FNDC1: variants seen among roughly 807,000 people sequenced by gnomAD.
FNDC1 encodes the protein fibronectin type III domain-containing protein 1.
In FNDC1, 96 loss-of-function variants were observed where a neutral mutation model predicts 168.0. The ratio of observed to expected loss-of-function variants is 0.57; its 90% CI spans 0.48 to 0.68. The LOEUF is 0.68. Among genes scored for constraint, FNDC1 ranks in the 30% least tolerant of loss-of-function variants. The pLI is 0.00. For synonymous variants in FNDC1, 1,099 were observed against 1,025.9 expected (o/e 1.07, Z -1.36); for missense variants, 2,587 against 2,482.1 (o/e 1.04, Z -0.90).
At chr6:159,264,832 C>A in intron 19 of FNDC1, 143 bp from the exon 20 acceptor site, 1 of 618,636 alleles carries the variant, frequency 1.6e-6, no homozygotes, top group Non-Finnish European at 2.7e-6. Flanking sequence ...GAAAATAAAA[C>A]CAAGGAAAAC....
chr6:159,232,342 A>C lies in FNDC1; in HGVS notation c.1830A>C (p.Pro610=). Residue 610 remains proline (P), a synonymous_variant, in exon 11 of 23, where the codon CCA becomes CCC. Coordinates refer to ENST00000297267, the MANE Select transcript of FNDC1 (RefSeq NM_032532.3). This position sits in a 1 kb window ranked among gnomAD's most constrained non-coding sequence, Gnocchi z 4.9. ...TTTCCCTGGCCACGCAGCCCCGCCC[A>C]GGGGCGCCCCCCTCGGCTTCGGCCT... is the stretch of plus-strand genomic sequence containing the variant. ...PGFSLATQPR[P]GAPPSASASP... The C allele has an allele frequency of 6.2e-7, 1 of 1,613,428 alleles. No homozygotes were observed. Among genetic ancestry groups the C allele is most frequent in the Non-Finnish European group, 8.5e-7 (1 of 1,179,684 alleles).
chr6:159,195,925 A>G (rs370653823), intron 1 of FNDC1, among the ~76,000 whole-genome samples: 2 of 152,346 alleles, frequency 1.3e-5, no homozygotes, highest in South Asian at 4.1e-4. Context: ...ACACTCAACC[A>G]TGAGCTTCCA....
Position 159,236,252 on chromosome 6 carries a change from T to A in FNDC1, c.4005T>A (p.Leu1335=). Residue 1335 remains leucine (L), a synonymous_variant, in exon 12 of 23, where the codon CTT becomes CTA. Transcript: ENST00000297267. ...NGRPNVEGKV[L]PGSNGKPNGQ... ...GACCAAATGTAGAAGGGAAAGTCCT[T>A]CCTGGTAGTAATGGAAAACCGAATG... The A allele has an allele frequency of 2.5e-6, 4 of 1,613,848 alleles. No individual in the cohort carries two copies. Among genetic ancestry groups the A allele is most frequent in the Middle Eastern group, 1.7e-4 (1 of 6,060 alleles).
intron 17 of FNDC1, among the ~76,000 whole-genome samples, chr6:159,252,835 T>C (rs932139512): frequency 2.6e-5 from 4 of 152,226 alleles, no homozygotes; most frequent in Admixed American, 2.6e-4. Flanking sequence ...ATAACAGATA[T>C]TACTTAACAT....
At chr6:159,207,140 G>A (rs1782502388) in intron 4 of FNDC1, among the ~76,000 whole-genome samples, 1 of 152,208 alleles carries the variant, frequency 6.6e-6, no homozygotes, top group South Asian at 2.1e-4. Flanking sequence ...AAGGGAGGCA[G>A]GAAGGAGCTA....
At chr6:159,195,929 G>T (rs1388337363) in intron 1 of FNDC1, among the ~76,000 whole-genome samples, 1 of 152,172 alleles carries the variant, frequency 6.6e-6, no homozygotes, top group Non-Finnish European at 1.5e-5. Flanking sequence ...TCAACCATGA[G>T]CTTCCATTTG....
intron 4 of FNDC1, among the ~76,000 whole-genome samples, chr6:159,204,084 G>A (rs75198921): frequency 0.031 from 4,685 of 152,048 alleles, 269 homozygotes; most frequent in African/African-American, 0.11. Context: ...ATTTTAGTTC[G>A]CGACGCTTGC....
At chr6:159,218,646 A>G (rs1782755824) in intron 5 of FNDC1, 1 of 152,184 alleles carries the variant, frequency 6.6e-6, no homozygotes, top group African/African-American at 2.4e-5. Flanking sequence ...GGTGGGCCTT[A>G]TGTCCTGCAG....
Position 159,271,656 on chromosome 6 carries a change from C to CTT in FNDC1, c.*216_*217dup, listed in dbSNP as rs1777751671. The stretch of plus-strand genomic sequence containing the variant: ...GAACAGGATTCAGTTTTGCTGTTAA[C>CTT]TTTGCTTCTCTACTTTTTTTTGTTT... On this transcript the variant is annotated 3_prime_UTR_variant, in exon 23 of 23. Coordinates refer to ENST00000297267, the MANE Select transcript of FNDC1 (RefSeq NM_032532.3). The CTT allele has an allele frequency of 2.2e-6, 1 of 465,104 alleles. No individual in the cohort carries two copies. 28.8% of individuals were successfully genotyped at this position (465,104 alleles called of 1,614,324 possible). A position where few individuals can be genotyped will look rare whatever the true frequency, so the allele number is the denominator to read the frequency against.
Position 159,183,741 on chromosome 6 carries a change from G to A in FNDC1, c.110-13690G>A, listed in dbSNP as rs145991882. ...TGGCATCCCAGAAGCTAGTCTAGTG[G>A]TCAGGGAGGACCTGAGAAGACTTGC... On this transcript the variant is annotated intron_variant, in intron 1 of 22. Transcript: ENST00000297267. Among the ~76,000 whole-genome samples the A allele has an allele frequency of 3.7e-3, 571 of 152,318 alleles. 2 individuals are homozygous for A. Among genetic ancestry groups the A allele is most frequent in the Middle Eastern group, 0.014 (4 of 294 alleles).
intron 15 of FNDC1, 76 bp from the exon 16 acceptor site, chr6:159,248,963 A>T: frequency 1.4e-6 from 2 of 1,402,284 alleles, no homozygotes; most frequent in South Asian, 2.8e-5. Flanking sequence ...AGTTGAATGT[A>T]AGAAGGTATC....
At chr6:159,209,645 C>T (rs756654817) in intron 4 of FNDC1, among the ~76,000 whole-genome samples, 41 of 152,136 alleles carry the variant, frequency 2.7e-4, no homozygotes, top group Non-Finnish European at 5.3e-4. Context: ...GCAGAAATCT[C>T]GAACTGAAGG....
chr6:159,268,045 C>A, intron 22 of FNDC1, 119 bp downstream of exon 22: 5 of 994,134 alleles, frequency 5.0e-6, no homozygotes, highest in Non-Finnish European at 7.5e-6. Flanking sequence ...ATGTTGGGAG[C>A]ACTTAAGGTC....
At chr6:159,213,078 G>A (rs926672677) in intron 4 of FNDC1, among the ~76,000 whole-genome samples, 4 of 152,316 alleles carry the variant, frequency 2.6e-5, no homozygotes, top group East Asian at 1.9e-4. Context: ...GCTGCAGAGC[G>A]AAACATTCCA....
Position 159,233,343 on chromosome 6 carries a change from C to A in FNDC1, c.2831C>A (p.Ser944Tyr). The A allele has an allele frequency of 6.2e-7, 1 of 1,613,942 alleles. No homozygotes were observed. Among genetic ancestry groups the A allele is most frequent in the Non-Finnish European group, 8.5e-7 (1 of 1,179,868 alleles). Reference protein sequence around the residue: ...ADTHPQGKYSSLASKAQDVQQ... With the variant: ...ADTHPQGKYSYLASKAQDVQQ... ...ACACATCCTCAGGGCAAGTACTCCT[C>A]CCTGGCCTCCAAGGCTCAGGATGTT... The change falls in exon 11 of 23, where the codon TCC becomes TAC. Residue 944 changes from serine (S) to tyrosine (Y), a missense_variant. Ser to Tyr is a moderately radical substitution (Grantham distance 144). Coordinates refer to ENST00000297267, the MANE Select transcript of FNDC1 (RefSeq NM_032532.3). This position sits in a 1 kb window ranked among gnomAD's most constrained non-coding sequence, Gnocchi z 4.6.
chr6:159,238,691 T>C (rs1292421993), intron 13 of FNDC1, 26 bp downstream of exon 13: 3 of 1,446,120 alleles, frequency 2.1e-6, no homozygotes, highest in African/African-American at 2.8e-5. Flanking sequence ...TTTTAAAGAA[T>C]AAAAGCCTAC....
intron 5 of FNDC1, among the ~76,000 whole-genome samples, chr6:159,217,656 G>C (rs1782735420): frequency 6.6e-6 from 1 of 152,148 alleles, no homozygotes; most frequent in African/African-American, 2.4e-5. Flanking sequence ...GGCACGGGCT[G>C]GCCGCATGGC....
At chr6:159,247,412 T>A (rs919123142) in intron 15 of FNDC1, among the ~76,000 whole-genome samples, 8 of 152,224 alleles carry the variant, frequency 5.3e-5, no homozygotes, top group African/African-American at 1.9e-4. Context: ...CTTAGATCTG[T>A]TGATTTCTTA....
chr6:159,228,743 T>A (rs1783011563), intron 9 of FNDC1, among the ~76,000 whole-genome samples: 1 of 152,166 alleles, frequency 6.6e-6, no homozygotes, highest in Non-Finnish European at 1.5e-5. Flanking sequence ...GTGTGCAATC[T>A]CGGCTCACTG....
Sources: allele counts gnomAD v4.1 joint callset (sites outside exome capture counted in the v4.1 genomes callset), GRCh38; gene constraint gnomAD v4.1.1; non-coding constraint Gnocchi (gnomAD v3.1); transcripts MANE v1.5; gene names NCBI Gene and HGNC (gene_info 2026-07-23, HGNC 2026-07-21).